CHODL: variants seen among roughly 807,000 people sequenced by gnomAD.
The protein encoded by CHODL is chondrolectin, also known as transmembrane protein MT75.
In CHODL, 29 loss-of-function variants were observed where a neutral mutation model predicts 34.5. That is an observed-to-expected ratio of 0.84 (90% CI 0.63 to 1.15). The LOEUF (loss-of-function observed/expected upper bound fraction) is 1.15. Ranked by LOEUF, CHODL falls within the 50% of genes most tolerant of loss-of-function variation. The probability of loss-of-function intolerance (pLI) is 0.00; values close to 1 mark genes in which losing one functional copy is unlikely to be tolerated. For synonymous variants in CHODL, 125 were observed against 116.1 expected (o/e 1.08, Z -0.49); for missense variants, 332 against 332.5 (o/e 1.00, Z 0.01).
intron 2 of CHODL, among the ~76,000 whole-genome samples, chr21:18,188,633 T>C (rs1421693572): frequency 6.6e-6 from 1 of 152,206 alleles, no homozygotes; most frequent in East Asian, 1.9e-4. Context: ...TTGGGATATG[T>C]TGACGTTTTG....
At chr21:18,158,255 G>C (rs1245410528) in intron 2 of CHODL, among the ~76,000 whole-genome samples, 1 of 151,972 alleles carries the variant, frequency 6.6e-6, no homozygotes, top group Non-Finnish European at 1.5e-5. Flanking sequence ...TTTCAATCTT[G>C]AGTACTATTA....
intron 2 of CHODL, among the ~76,000 whole-genome samples, chr21:18,036,177 C>G (rs1359198801): frequency 6.6e-6 from 1 of 152,006 alleles, no homozygotes; most frequent in African/African-American, 2.4e-5. Context: ...ATTACTAAGG[C>G]AATACCTTTC....
chr21:18,151,240 G>A (rs944258533), intron 2 of CHODL, among the ~76,000 whole-genome samples: 6 of 152,238 alleles, frequency 3.9e-5, no homozygotes, highest in Admixed American at 1.3e-4. Context: ...AGGCCTTGCC[G>A]GGTTTCCCGC....
intron 2 of CHODL, among the ~76,000 whole-genome samples, chr21:18,205,119 C>T (rs934319222): frequency 1.1e-4 from 16 of 152,104 alleles, no homozygotes; most frequent in African/African-American, 3.6e-4. Context: ...ACTTCCAGTA[C>T]TATGTTGAAT....
chr21:17,986,636 T>C (rs1406327568), intron 1 of CHODL, among the ~76,000 whole-genome samples: 2 of 152,234 alleles, frequency 1.3e-5, no homozygotes, highest in African/African-American at 4.8e-5. Flanking sequence ...CGTGTGCATG[T>C]GTCTTTATCA....
chr21:18,154,841 C>G (rs1400614775), intron 2 of CHODL, among the ~76,000 whole-genome samples: 3 of 152,124 alleles, frequency 2.0e-5, no homozygotes, highest in Admixed American at 2.0e-4. Flanking sequence ...GGGTTCACTG[C>G]TCTCTAACAG....
At chr21:17,935,333 G>C (rs1223448342) in intron 1 of CHODL, among the ~76,000 whole-genome samples, 1 of 152,090 alleles carries the variant, frequency 6.6e-6, no homozygotes, top group Non-Finnish European at 1.5e-5. Flanking sequence ...TTAAGTAACT[G>C]CTAGTGGCCA....
In CHODL at chr21:18,150,474, C is replaced by T. The variant is rs745587154; in HGVS notation, c.-44-106035C>T. ...TGGTTTGCAGTACAGTTCCGGAGGC[C>T]GGTATCCCAAGATCACAATGCCATC... On this transcript the variant is annotated intron_variant, in intron 2 of 6. Transcript: ENST00000400127. Among the ~76,000 whole-genome samples the T allele has an allele frequency of 5.3e-5, 8 of 152,070 alleles. No homozygotes were observed. The East Asian group carries it at 9.7e-4, about 18-fold the overall frequency.
intron 1 of CHODL, among the ~76,000 whole-genome samples, chr21:17,963,922 A>G (rs1168383954): frequency 6.6e-6 from 1 of 152,176 alleles, no homozygotes; most frequent in African/African-American, 2.4e-5. Context: ...AAATCACCTT[A>G]TATTTAATCT....
chr21:18,016,834 T>G (rs942354306), intron 1 of CHODL, among the ~76,000 whole-genome samples: 2 of 152,204 alleles, frequency 1.3e-5, no homozygotes, highest in African/African-American at 4.8e-5. Flanking sequence ...AACCCACCAC[T>G]TGCATCAGTG....
chr21:18,027,227 T>C (rs2064186031), intron 1 of CHODL, among the ~76,000 whole-genome samples: 1 of 152,148 alleles, frequency 6.6e-6, no homozygotes, highest in Non-Finnish European at 1.5e-5. Context: ...TGAGCCATGA[T>C]GGTGCCACTG....
intron 1 of CHODL, among the ~76,000 whole-genome samples, chr21:17,948,974 T>C (rs2063434995): frequency 6.6e-6 from 1 of 152,132 alleles, no homozygotes; most frequent in Non-Finnish European, 1.5e-5. Context: ...AGGGCAGTCA[T>C]GGGATACATG....
upstream of CHODL, among the ~76,000 whole-genome samples, chr21:18,244,582 A>G (rs2074113030): frequency 1.3e-5 from 2 of 152,230 alleles, no homozygotes; most frequent in Admixed American, 6.5e-5. Flanking sequence ...CCAGAGTTTA[A>G]TAGCAAAGCT....
chr21:18,039,463 A>G (rs2064349722), intron 2 of CHODL, among the ~76,000 whole-genome samples: 1 of 151,728 alleles, frequency 6.6e-6, no homozygotes, highest in Non-Finnish European at 1.5e-5. Flanking sequence ...TCATGTGTGA[A>G]ATGTGTTCCT....
At chr21:18,197,588 C>T (rs2073604663) in intron 2 of CHODL, among the ~76,000 whole-genome samples, 1 of 152,172 alleles carries the variant, frequency 6.6e-6, no homozygotes, top group Admixed American at 6.5e-5. Flanking sequence ...TGCACTCAAC[C>T]TGGGTGATAG....
intron 1 of CHODL, among the ~76,000 whole-genome samples, chr21:18,001,507 T>A (rs1314464588): frequency 6.6e-6 from 1 of 152,212 alleles, no homozygotes; most frequent in East Asian, 1.9e-4. Context: ...AAAGTCATAA[T>A]GGCTTATTCA....
chr21:18,143,513 A>G (rs571156126), intron 2 of CHODL, among the ~76,000 whole-genome samples: 1 of 152,250 alleles, frequency 6.6e-6, no homozygotes, highest in African/African-American at 2.4e-5. Context: ...GATTATAGGC[A>G]TGAATTCTGT....
intron 1 of CHODL, among the ~76,000 whole-genome samples, chr21:18,002,895 G>C (rs567447310): frequency 6.6e-6 from 1 of 152,018 alleles, no homozygotes; most frequent in African/African-American, 2.4e-5. Flanking sequence ...AGGCCGAGGC[G>C]GGCGGATCAT....
At chr21:18,216,232 G>A (rs2073826751) in intron 2 of CHODL, among the ~76,000 whole-genome samples, 1 of 151,972 alleles carries the variant, frequency 6.6e-6, no homozygotes, top group Non-Finnish European at 1.5e-5. Flanking sequence ...TTAAATCAGG[G>A]TGATTGGAAT....
Sources: allele counts gnomAD v4.1 joint callset (sites outside exome capture counted in the v4.1 genomes callset), GRCh38; gene constraint gnomAD v4.1.1; transcripts MANE v1.5; gene names NCBI Gene and HGNC (gene_info 2026-07-23, HGNC 2026-07-21).